The following NTN1 variants were observed in gnomAD, a reference collection of about 807,000 sequenced individuals.
The protein encoded by NTN1 is netrin-1.
Under a neutral mutation model 54.2 loss-of-function variants are expected in NTN1, and 11 were observed. The observed-to-expected ratio is 0.20, with a 90% CI of 0.13 to 0.34. The LOEUF (loss-of-function observed/expected upper bound fraction) is 0.34, where lower values mean the gene tolerates loss of function less well. Among genes scored for constraint, NTN1 ranks in the 10% least tolerant of loss-of-function variants. The pLI, the probability that NTN1 is intolerant of heterozygous loss-of-function variation, is 1.00. For missense variants in NTN1, 740 were observed against 893.1 expected, an observed-to-expected ratio of 0.83 and a Z score of 2.18; for synonymous variants, 371 against 382.0, an observed-to-expected ratio of 0.97 and a Z score of 0.33.
chr17:9,217,828 T>C (rs1905246218), intron 5 of NTN1, among the ~76,000 whole-genome samples: 1 of 147,668 alleles, frequency 6.8e-6, no homozygotes, highest in Non-Finnish European at 1.5e-5. Flanking sequence ...TGACAAGAAT[T>C]TCCAGCTGAC....
intron 2 of NTN1, among the ~76,000 whole-genome samples, chr17:9,085,219 T>G (rs1181657468): frequency 6.6e-6 from 1 of 152,164 alleles, no homozygotes; most frequent in Non-Finnish European, 1.5e-5. Flanking sequence ...CCCATGATTG[T>G]CATCCAGAGC....
At chr17:9,036,373 C>T (rs973333754) in intron 2 of NTN1, among the ~76,000 whole-genome samples, 5 of 138,474 alleles carry the variant, frequency 3.6e-5, no homozygotes, top group Admixed American at 7.9e-5. Flanking sequence ...TGGGCCAAGT[C>T]GTCTCTTATC....
chr17:9,075,267 G>T (rs950354080), intron 2 of NTN1, among the ~76,000 whole-genome samples: 1 of 152,180 alleles, frequency 6.6e-6, no homozygotes, highest in African/African-American at 2.4e-5. Flanking sequence ...GAATACTTGA[G>T]CCCAGGAGTT....
At chr17:9,216,410 T>G (rs532865787) in intron 5 of NTN1, among the ~76,000 whole-genome samples, 2 of 152,360 alleles carry the variant, frequency 1.3e-5, no homozygotes, top group East Asian at 3.9e-4. Flanking sequence ...CTTTTTAGTC[T>G]GCCATGCCCA....
At chr17:9,163,526 A>G (rs2092365154) in intron 3 of NTN1, among the ~76,000 whole-genome samples, 1 of 139,776 alleles carries the variant, frequency 7.2e-6, no homozygotes, top group Admixed American at 7.2e-5. Flanking sequence ...ACACACGTAC[A>G]GTCACAGCGG....
At chr17:9,232,751 G>A (rs1003406038) in intron 6 of NTN1, among the ~76,000 whole-genome samples, 9 of 152,272 alleles carry the variant, frequency 5.9e-5, no homozygotes, top group Non-Finnish European at 1.3e-4. Context: ...CCCGTCCCGG[G>A]TGTGGCGGCC....
chr17:9,119,244 A>G (rs1054144985), intron 2 of NTN1, among the ~76,000 whole-genome samples: 2 of 151,724 alleles, frequency 1.3e-5, no homozygotes, highest in Non-Finnish European at 2.9e-5. Context: ...CTGGAGTGCA[A>G]TGGTGCGATC....
chr17:9,147,474 A>G (rs112537126), intron 2 of NTN1, among the ~76,000 whole-genome samples: 5,425 of 152,304 alleles, frequency 0.036, 168 homozygotes, highest in African/African-American at 0.086. Flanking sequence ...AGATCGAGCC[A>G]CTGCACTCCA....
intron 5 of NTN1, among the ~76,000 whole-genome samples, chr17:9,185,588 T>G (rs955868400): frequency 1.3e-5 from 2 of 151,138 alleles, no homozygotes; most frequent in African/African-American, 2.4e-5. Flanking sequence ...GTAGTGTCTG[T>G]GGGGGTCTGG....
At chr17:9,179,360 T>C (rs2092411040) in intron 3 of NTN1, among the ~76,000 whole-genome samples, 1 of 152,118 alleles carries the variant, frequency 6.6e-6, no homozygotes, top group South Asian at 2.1e-4. Flanking sequence ...ACTCCTCCCA[T>C]GCCCTGGGTT....
At chr17:9,008,231 G>A in the NTN1 span, among the ~76,000 whole-genome samples, 1 of 151,934 alleles carries the variant, frequency 6.6e-6, no homozygotes, top group Admixed American at 6.6e-5. Context: ...ATCTCTGTTT[G>A]CCCTGTAGTA....
At chr17:9,117,783 A>AC (rs1220113279) in intron 2 of NTN1, among the ~76,000 whole-genome samples, 1 of 151,022 alleles carries the variant, frequency 6.6e-6, no homozygotes, top group African/African-American at 2.4e-5. Flanking sequence ...AAAAAAAAAA[A>AC]AAAACAAGCT....
intron 3 of NTN1, chr17:9,175,319 A>G (rs1489606241): frequency 6.6e-6 from 1 of 152,186 alleles, no homozygotes; most frequent in African/African-American, 2.4e-5. Context: ...TTCACCGACA[A>G]ACCAAATCTC....
chr17:9,208,719 C>A (rs977334447), intron 5 of NTN1, among the ~76,000 whole-genome samples: 1 of 152,230 alleles, frequency 6.6e-6, no homozygotes, highest in Non-Finnish European at 1.5e-5. Context: ...TAATAGGATT[C>A]TACCACCGTG....
At chr17:9,133,754 ATT>A (rs57053201) in intron 2 of NTN1, among the ~76,000 whole-genome samples, 3 of 104,526 alleles carry the variant, frequency 2.9e-5, no homozygotes, top group Non-Finnish European at 3.6e-5. Context: ...TGCCCAGCTA[ATT>A]TTTTTTTTTT....
chr17:9,109,002 G>A (rs1471436750), intron 2 of NTN1, among the ~76,000 whole-genome samples: 1 of 151,792 alleles, frequency 6.6e-6, no homozygotes, highest in Admixed American at 6.6e-5. Context: ...TCAGCCTACC[G>A]AGTAGCTGGG....
At chr17:9,091,806 A>G (rs751572187) in intron 2 of NTN1, among the ~76,000 whole-genome samples, 15 of 152,008 alleles carry the variant, frequency 9.9e-5, no homozygotes, top group Non-Finnish European at 1.9e-4. Flanking sequence ...ATTCACCATC[A>G]TCACCATCCG....
At chr17:9,137,401 G>A (rs749651578) in intron 2 of NTN1, among the ~76,000 whole-genome samples, 2 of 152,198 alleles carry the variant, frequency 1.3e-5, no homozygotes, top group African/African-American at 2.4e-5. Flanking sequence ...CTGGCATGGG[G>A]TGGACACTCA....
At chr17:9,105,683 T>C (rs539170277) in intron 2 of NTN1, among the ~76,000 whole-genome samples, 4 of 151,356 alleles carry the variant, frequency 2.6e-5, no homozygotes, top group Admixed American at 6.6e-5. Flanking sequence ...TCTCTCTCTG[T>C]CTCTGTCTCT....
Sources: gnomAD v4.1 joint callset for allele counts (sites outside exome capture counted in the v4.1 genomes callset) on GRCh38, gnomAD v4.1.1 for gene constraint, MANE v1.5 for transcripts, NCBI Gene and HGNC (gene_info 2026-07-23, HGNC 2026-07-21) for gene names.